PCCA: variants seen among roughly 807,000 people sequenced by gnomAD.
PCCA encodes the protein propionyl-CoA carboxylase subunit alpha.
PCCA carries 74 observed loss-of-function variants against 101.3 expected under a neutral mutation model. The ratio of observed to expected loss-of-function variants is 0.73; its 90% confidence interval spans 0.61 to 0.89. The LOEUF (loss-of-function observed/expected upper bound fraction) is 0.89. Among genes scored for constraint, PCCA ranks in the 40% least tolerant of loss-of-function variants. PCCA has a pLI of 0.00. For synonymous variants in PCCA, 294 were observed against 313.6 expected (o/e 0.94, Z 0.66); for missense variants, 891 against 907.0 (o/e 0.98, Z 0.23).
chr13:100,430,738 A>G (rs55926595), intron 20 of PCCA, among the ~76,000 whole-genome samples: 3,598 of 152,288 alleles, frequency 0.024, 157 homozygotes, highest in African/African-American at 0.082. Context: ...ATGTGCCGGT[A>G]TAACAGCCAT....
intron 23 of PCCA, among the ~76,000 whole-genome samples, chr13:100,529,149 G>A (rs562871505): frequency 1.1e-4 from 17 of 152,116 alleles, no homozygotes; most frequent in Non-Finnish European, 1.5e-4. Flanking sequence ...GAAGTGGCCC[G>A]AAGCCCCCGT....
intron 18 of PCCA, among the ~76,000 whole-genome samples, chr13:100,342,146 T>C (rs1173064913): frequency 1.3e-5 from 2 of 151,936 alleles, no homozygotes; most frequent in Non-Finnish European, 2.9e-5. Flanking sequence ...CTTCAATGAC[T>C]GTAAAAAATC....
In PCCA at chr13:100,301,525, T is replaced by G. The variant is rs754991015; in HGVS notation, c.1131T>G (p.Ala377=). Residue 377 remains alanine (A), a synonymous_variant, in exon 13 of 24, where the codon GCT becomes GCG. Transcript: ENST00000376285. ...TAGTCCAGGAAATGATCCGTGTTGC[T>G]AAGGGCTACCCTCTCAGGCACAAAC... ...LDLVQEMIRV[A]KGYPLRHKQA... is the part of the protein sequence containing the mutation. 2.0e-4 allele frequency: 329 copies of G among 1,614,008 alleles called. No homozygotes were observed. The highest frequency in any genetic ancestry group is 2.6e-4 in the Non-Finnish European group (308 of 1,179,986).
chr13:100,493,167 C>T (rs1174075426), intron 21 of PCCA, among the ~76,000 whole-genome samples: 1 of 152,236 alleles, frequency 6.6e-6, no homozygotes, highest in Non-Finnish European at 1.5e-5. Flanking sequence ...CCAGCTCCTA[C>T]ACCTGCCCCT....
intron 16 of PCCA, among the ~76,000 whole-genome samples, chr13:100,322,234 G>A (rs1175537331): frequency 1.3e-5 from 2 of 152,272 alleles, no homozygotes; most frequent in East Asian, 1.9e-4. Context: ...ACAGTAAGAC[G>A]AGAAGAAAGG....
chr13:100,175,280 C>T (rs1035910923), intron 6 of PCCA, among the ~76,000 whole-genome samples: 1 of 151,762 alleles, frequency 6.6e-6, no homozygotes, highest in Non-Finnish European at 1.5e-5. Context: ...TTTTTTTCCC[C>T]CAAACCTTAG....
At position 100,172,251 on chromosome 13, in the gene PCCA, T is replaced by C. The variant is rs191881436; in HGVS notation, c.468+14911T>C. On this transcript the variant is annotated intron_variant, in intron 6 of 23. Coordinates refer to ENST00000376285, the MANE Select transcript of PCCA (RefSeq NM_000282.4). The stretch of plus-strand genomic sequence containing the variant: ...CAGTGGAATTATTTATATACATTTC[T>C]ACACATGAGACAAACTTTTGAAGGA... Among the ~76,000 whole-genome samples the C allele has an allele frequency of 2.0e-5, 3 of 152,162 alleles. No individual in the cohort carries two copies. The East Asian group carries it at 5.8e-4, about 29-fold the overall frequency.
intron 4 of PCCA, among the ~76,000 whole-genome samples, chr13:100,120,946 T>C (rs1179439594): frequency 6.6e-6 from 1 of 152,184 alleles, no homozygotes; most frequent in Non-Finnish European, 1.5e-5. Context: ...ACATGTGATA[T>C]TCTTCCATAT....
At chr13:100,473,978 A>G (rs889826645) in intron 21 of PCCA, among the ~76,000 whole-genome samples, 4 of 152,212 alleles carry the variant, frequency 2.6e-5, no homozygotes, top group African/African-American at 4.8e-5. Flanking sequence ...TTTCTGGAGA[A>G]AAAATGCAGA....
intron 12 of PCCA, among the ~76,000 whole-genome samples, chr13:100,296,427 T>C (rs1251279085): frequency 4.0e-5 from 6 of 151,298 alleles, no homozygotes; most frequent in Non-Finnish European, 8.8e-5. Flanking sequence ...TTTTTTTTTT[T>C]TTTAAATAGA....
intron 19 of PCCA, among the ~76,000 whole-genome samples, chr13:100,418,302 G>GA: frequency 6.6e-6 from 1 of 152,282 alleles, no homozygotes; most frequent in African/African-American, 2.4e-5. Context: ...ACATGCGTCT[G>GA]CTGGTCAGGG....
chr13:100,311,116 C>T (rs547140963), intron 16 of PCCA, among the ~76,000 whole-genome samples: 9 of 151,960 alleles, frequency 5.9e-5, no homozygotes, highest in African/African-American at 1.9e-4. Flanking sequence ...CGTCTGTAAT[C>T]CCCGCTACTT....
chr13:100,203,863 G>A (rs2058690438), intron 6 of PCCA, among the ~76,000 whole-genome samples: 1 of 152,114 alleles, frequency 6.6e-6, no homozygotes, highest in Admixed American at 6.5e-5. Flanking sequence ...TTATTCTGAG[G>A]TCTTGAAAAG....
chr13:100,149,061 A>C (rs1316566875), intron 4 of PCCA: 1 of 151,808 alleles, frequency 6.6e-6, no homozygotes, highest in Non-Finnish European at 1.5e-5. Flanking sequence ...CCAGAATGTT[A>C]GTTTTTTAAA....
chr13:100,218,065 ACT>A (rs895899921), intron 7 of PCCA, among the ~76,000 whole-genome samples: 2 of 145,132 alleles, frequency 1.4e-5, no homozygotes, highest in Non-Finnish European at 3.0e-5. Flanking sequence ...ACAGAGTAAG[ACT>A]CTGTCTAAAA....
intron 19 of PCCA, among the ~76,000 whole-genome samples, chr13:100,369,639 T>TA (rs2075436444): frequency 6.6e-6 from 1 of 152,190 alleles, no homozygotes; most frequent in Non-Finnish European, 1.5e-5. Flanking sequence ...TCTTTAAATG[T>TA]TGTGATTCAC....
At chr13:100,348,853 TCCTC>T (rs771176587) in intron 18 of PCCA, among the ~76,000 whole-genome samples, 5 of 142,330 alleles carry the variant, frequency 3.5e-5, no homozygotes, top group Non-Finnish European at 7.6e-5. Flanking sequence ...CTTTCTCTCT[TCCTC>T]CCTTCCTCCC....
At chr13:100,099,179 G>A (rs1277846738) in intron 1 of PCCA, among the ~76,000 whole-genome samples, 1 of 152,104 alleles carries the variant, frequency 6.6e-6, no homozygotes, top group Non-Finnish European at 1.5e-5. Flanking sequence ...GCTACTGCGG[G>A]TATGTTAACA....
intron 8 of PCCA, among the ~76,000 whole-genome samples, chr13:100,246,848 T>C (rs1483516274): frequency 2.0e-5 from 3 of 151,720 alleles, no homozygotes; most frequent in Non-Finnish European, 2.9e-5. Flanking sequence ...CAATGTCTTA[T>C]AGAAAACTCA....
Sources: allele counts gnomAD v4.1 joint callset (sites outside exome capture counted in the v4.1 genomes callset), GRCh38; gene constraint gnomAD v4.1.1; transcripts MANE v1.5; gene names NCBI Gene and HGNC (gene_info 2026-07-23, HGNC 2026-07-21).